PHACTR4: variants seen among roughly 807,000 people sequenced by gnomAD.
The protein encoded by PHACTR4 is phosphatase and actin regulator 4.
PHACTR4 carries 51 observed loss-of-function variants against 72.7 expected under a neutral mutation model. The observed-to-expected ratio is 0.70, with a 90% CI of 0.56 to 0.89. The LOEUF (loss-of-function observed/expected upper bound fraction) is 0.89, where lower values mean the gene tolerates loss of function less well. Ranked by LOEUF, PHACTR4 falls within the 40% of genes least tolerant of loss-of-function variation. PHACTR4 has a pLI of 0.00. For synonymous variants in PHACTR4, 255 were observed against 302.5 expected (o/e 0.84, Z 1.63); for missense variants, 731 against 861.8 (o/e 0.85, Z 1.90).
At chr1:28,387,553 T>C (rs80336479) in intron 1 of PHACTR4, among the ~76,000 whole-genome samples, 13,254 of 151,990 alleles carry the variant, frequency 0.087, 1,241 homozygotes, top group African/African-American at 0.24. Flanking sequence ...AGGGTGAGCA[T>C]TATGATTCAG....
intron 1 of PHACTR4, among the ~76,000 whole-genome samples, chr1:28,391,307 G>C (rs974546370): frequency 1.3e-5 from 2 of 150,668 alleles, no homozygotes; most frequent in African/African-American, 4.9e-5. Flanking sequence ...GCTGAGGCAG[G>C]ATAATGGTGT....
intron 13 of PHACTR4, among the ~76,000 whole-genome samples, chr1:28,494,569 T>C (rs531303594): frequency 1.3e-5 from 2 of 152,270 alleles, no homozygotes; most frequent in South Asian, 4.2e-4. Flanking sequence ...GGAGAATCAC[T>C]TGAACCCCGG....
chr1:28,457,175 C>G (rs1396149819), intron 2 of PHACTR4: 1 of 334,000 alleles, frequency 3.0e-6, no homozygotes, highest in Non-Finnish European at 6.1e-6. Context: ...TAAATCTAAC[C>G]TTTATTGAAA....
At chr1:28,409,283 T>G (rs1287460282) in intron 2 of PHACTR4, among the ~76,000 whole-genome samples, 1 of 151,968 alleles carries the variant, frequency 6.6e-6, no homozygotes, top group Admixed American at 6.6e-5. Context: ...TGGTAAGGGG[T>G]GAAGAAGACT....
intron 6 of PHACTR4, among the ~76,000 whole-genome samples, chr1:28,471,123 G>A (rs1659533073): frequency 6.6e-6 from 1 of 152,124 alleles, no homozygotes; most frequent in African/African-American, 2.4e-5. Flanking sequence ...CGAGGCGGGT[G>A]GATCACCTGA....
At chr1:28,433,022 C>T (rs575355482) in intron 2 of PHACTR4, 11 of 974,688 alleles carry the variant, frequency 1.1e-5, no homozygotes, top group Admixed American at 1.2e-4. Flanking sequence ...GGATTAGAGG[C>T]GTGAGCCACT....
chr1:28,489,785 A>T (rs766984399), intron 10 of PHACTR4: 1 of 519,026 alleles, frequency 1.9e-6, no homozygotes, highest in Non-Finnish European at 3.8e-6. Flanking sequence ...ATATAGAGTG[A>T]AATTTGGCCT....
intron 1 of PHACTR4, among the ~76,000 whole-genome samples, chr1:28,382,186 T>G (rs1652223701): frequency 6.6e-6 from 1 of 152,266 alleles, no homozygotes. Flanking sequence ...TTTTCTCCCA[T>G]TCTGTAGGTT....
Position 28,440,026 on chromosome 1 carries a change from G to A in PHACTR4, c.17-19059G>A, listed in dbSNP as rs559401227. On this transcript the variant is annotated intron_variant, in intron 2 of 13. Coordinates refer to ENST00000373839, the MANE Select transcript of PHACTR4 (RefSeq NM_001048183.3). ...TATTAAAAACTTCATCTGAGGCCGGGCGCGGTGGCTCACGCCTGTAATCCC... is the reference window on the plus strand; with the variant it reads ...TATTAAAAACTTCATCTGAGGCCGGACGCGGTGGCTCACGCCTGTAATCCC... Among the ~76,000 whole-genome samples the A allele has an allele frequency of 1.1e-3, 173 of 152,268 alleles. 1 individual carries two copies. The South Asian group carries it at 0.017, about 15-fold the overall frequency.
intron 1 of PHACTR4, among the ~76,000 whole-genome samples, chr1:28,397,940 C>G (rs1258757827): frequency 6.6e-6 from 1 of 151,718 alleles, no homozygotes; most frequent in Non-Finnish European, 1.5e-5. Context: ...GTCTTGATCT[C>G]CTGACCTCAT....
Position 28,494,578 on chromosome 1 carries a change from G to A in PHACTR4, c.2093+1487G>A, listed in dbSNP as rs189495525. On this transcript the variant is annotated intron_variant, in intron 13 of 13. Coordinates refer to ENST00000373839, the MANE Select transcript of PHACTR4 (RefSeq NM_001048183.3). ...GAAGCAGGAGAATCACTTGAACCCC[G>A]GAAGCAGAGGTTGCAGTGAGCCGAG... 5.2e-4 allele frequency among the ~76,000 whole-genome samples: 79 copies of A among 152,318 alleles called. 1 individual carries two copies. In the East Asian group the frequency reaches 0.014, roughly 26 times the overall value.
chr1:28,490,095 G>A (rs1660936534), intron 10 of PHACTR4, among the ~76,000 whole-genome samples: 1 of 152,156 alleles, frequency 6.6e-6, no homozygotes, highest in South Asian at 2.1e-4. Context: ...TACGTAATAG[G>A]TCCTTACAAA....
At chr1:28,436,208 A>G (rs1213231197) in intron 2 of PHACTR4, among the ~76,000 whole-genome samples, 3 of 152,150 alleles carry the variant, frequency 2.0e-5, no homozygotes, top group Admixed American at 2.0e-4. Context: ...CTCAGTTTGG[A>G]GAATAAAGAT....
At chr1:28,376,815 T>A (rs986260840) in intron 1 of PHACTR4, among the ~76,000 whole-genome samples, 2 of 147,790 alleles carry the variant, frequency 1.4e-5, no homozygotes, top group African/African-American at 5.2e-5. Context: ...TTTTTTGTAT[T>A]TTTAGTAGAG....
intron 1 of PHACTR4, among the ~76,000 whole-genome samples, chr1:28,395,319 T>C (rs529929803): frequency 6.6e-6 from 1 of 152,332 alleles, no homozygotes; most frequent in African/African-American, 2.4e-5. Context: ...GATTTTGTCA[T>C]GATCAGTGAT....
At chr1:28,405,688 C>T (rs1045187765) in intron 1 of PHACTR4, among the ~76,000 whole-genome samples, 2 of 151,522 alleles carry the variant, frequency 1.3e-5, no homozygotes, top group Non-Finnish European at 1.5e-5. Flanking sequence ...GTTAGGAGTT[C>T]GAGACCAGCC....
At chr1:28,422,907 C>T (rs1353044397) in intron 2 of PHACTR4, among the ~76,000 whole-genome samples, 3 of 152,224 alleles carry the variant, frequency 2.0e-5, no homozygotes, top group Non-Finnish European at 4.4e-5. Context: ...CTGCCTCAGC[C>T]TCCCAAGTAG....
chr1:28,432,592 G>A (rs929979672), intron 2 of PHACTR4, among the ~76,000 whole-genome samples: 3 of 151,526 alleles, frequency 2.0e-5, no homozygotes, highest in South Asian at 2.1e-4. Flanking sequence ...AGCTATGATC[G>A]CACCTCTGCA....
In PHACTR4 at chr1:28,480,624, T is replaced by C. The variant is rs1224856950; in HGVS notation, c.1760+20T>C. ...GATCCGGTAGGCCTTTGCTTAGATT[T>C]GCTTGATTGATTTGGTTATGCCAGT... is the stretch of plus-strand genomic sequence containing the variant. On this transcript the variant is annotated intron_variant, in intron 9 of 13. Transcript: ENST00000373839. 18 of 1,612,952 alleles carry C rather than the reference T, an allele frequency of 1.1e-5. No individual in the cohort carries two copies. In the Admixed American group the frequency reaches 2.7e-4, roughly 24 times the overall value.
Sources: gnomAD v4.1 joint callset for allele counts (sites outside exome capture counted in the v4.1 genomes callset) on GRCh38, gnomAD v4.1.1 for gene constraint, MANE v1.5 for transcripts, NCBI Gene and HGNC (gene_info 2026-07-23, HGNC 2026-07-21) for gene names.